Variants in TP53BP2 observed in about 807,000 individuals in gnomAD.
TP53BP2 encodes tumor protein p53 binding protein 2.
TP53BP2 carries 62 observed loss-of-function variants against 126.2 expected under a neutral mutation model. That is an observed-to-expected ratio of 0.49 (90% CI 0.40 to 0.61). The LOEUF (loss-of-function observed/expected upper bound fraction) is 0.61. Among genes scored for constraint, TP53BP2 ranks in the 20% least tolerant of loss-of-function variants. The pLI, the probability that TP53BP2 is intolerant of heterozygous loss-of-function variation, is 0.00. For missense variants in TP53BP2, 1,215 were observed against 1,402.8 expected (o/e 0.87, Z 2.14); for synonymous variants, 485 against 502.9 (o/e 0.96, Z 0.48).
chr1:223,787,200 CATT>C (rs1416578595), intron 16 of TP53BP2, among the ~76,000 whole-genome samples: 1 of 152,096 alleles, frequency 6.6e-6, no homozygotes, highest in African/African-American at 2.4e-5. Flanking sequence ...CCGGCCAACA[CATT>C]ATACCGGTTA....
At chr1:223,816,473 G>A (rs1663091929) in intron 2 of TP53BP2, among the ~76,000 whole-genome samples, 1 of 151,890 alleles carries the variant, frequency 6.6e-6, no homozygotes, top group African/African-American at 2.4e-5. Context: ...TACAAATCAA[G>A]AGGGAAGGGA....
intron 1 of TP53BP2, among the ~76,000 whole-genome samples, chr1:223,827,165 A>C (rs867587137): frequency 1.3e-5 from 2 of 152,332 alleles, no homozygotes; most frequent in Middle Eastern, 3.4e-3. Flanking sequence ...ATGAGCATGC[A>C]GAGGCATTTA....
Position 223,810,519 on chromosome 1 carries a change from G to A in TP53BP2, c.290-6C>T, listed in dbSNP as rs776184660. 4 of 1,590,272 alleles carry A rather than the reference G, an allele frequency of 2.5e-6. No homozygotes were observed. The highest frequency in any genetic ancestry group is 3.4e-6 in the Non-Finnish European group (4 of 1,167,782). Reference sequence around the variant, plus strand: ...CTGAGATCTTGGTCCACTCACTAAGGACAAAATTCAAAAACTATGCATTAA... The same window carrying A: ...CTGAGATCTTGGTCCACTCACTAAGAACAAAATTCAAAAACTATGCATTAA... On this transcript the variant is annotated splice_region_variant and splice_polypyrimidine_tract_variant and intron_variant, in intron 3 of 17. Coordinates refer to ENST00000343537, the MANE Select transcript of TP53BP2 (RefSeq NM_001031685.3).
In TP53BP2 at chr1:223,796,581, T is replaced by A; in HGVS notation, c.1958A>T (p.Lys653Met). Residue 653 changes from lysine to methionine, a missense_variant, in exon 13 of 18, where the codon AAG (lysine) becomes ATG (methionine). Lys to Met is a moderately conservative substitution (Grantham distance 95). Transcript: ENST00000343537. The surrounding 1 kb of genome is among the most constrained non-coding windows in gnomAD (Gnocchi z 4.2). The stretch of plus-strand genomic sequence containing the variant: ...ATTCTGGGCAGCAGCAATTACAGGC[T>A]TACCATATACTAATTGGAAAAGGAA... ...RGPHFSSVYG[K>M]PVIAAAQNQQ... 1 of 1,601,352 alleles carries A rather than the reference T, an allele frequency of 6.2e-7. No homozygotes were observed. Among genetic ancestry groups the A allele is most frequent in the Non-Finnish European group, 8.5e-7 (1 of 1,175,530 alleles).
intron 8 of TP53BP2, 84 bp downstream of exon 8, chr1:223,802,647 T>C (rs552277371): frequency 1.9e-4 from 279 of 1,480,964 alleles, no homozygotes; most frequent in Admixed American, 2.7e-4. Flanking sequence ...GTAATGATTC[T>C]GAAGAAGATG....
intron 17 of TP53BP2, among the ~76,000 whole-genome samples, chr1:223,783,257 C>T (rs904945407): frequency 6.6e-6 from 1 of 152,202 alleles, no homozygotes; most frequent in Non-Finnish European, 1.5e-5. Flanking sequence ...CAGCCCTCCC[C>T]ACGTTCCTTC....
At chr1:223,815,398 G>A (rs888907991) in intron 2 of TP53BP2, among the ~76,000 whole-genome samples, 2 of 152,062 alleles carry the variant, frequency 1.3e-5, no homozygotes, top group Non-Finnish European at 2.9e-5. Context: ...CCCCCAAAAA[G>A]GATACACCAC....
At chr1:223,815,958 G>A (rs537315165) in intron 2 of TP53BP2, among the ~76,000 whole-genome samples, 2 of 152,284 alleles carry the variant, frequency 1.3e-5, no homozygotes, top group East Asian at 3.9e-4. Context: ...TACGCTCTAT[G>A]ATGTTCACAC....
intron 16 of TP53BP2, among the ~76,000 whole-genome samples, chr1:223,786,727 C>T (rs750136484): frequency 3.3e-5 from 5 of 151,598 alleles, no homozygotes; most frequent in Non-Finnish European, 5.9e-5. Context: ...CTGCCTCGGC[C>T]TCCCGAATAG....
chr1:223,800,660 C>A, intron 10 of TP53BP2, 40 bp downstream of exon 10: 1 of 1,489,488 alleles, frequency 6.7e-7, no homozygotes, highest in Non-Finnish European at 9.1e-7. Context: ...TTTCAGATGA[C>A]CAAAATTTAA....
intron 4 of TP53BP2, among the ~76,000 whole-genome samples, 167 bp downstream of exon 4, chr1:223,810,264 T>C (rs1468355517): frequency 1.3e-5 from 2 of 152,228 alleles, no homozygotes; most frequent in Non-Finnish European, 2.9e-5. Context: ...TAGTCAGCCA[T>C]ATACAGATCA....
chr1:223,802,157 G>A lies in TP53BP2; in HGVS notation c.1184C>T (p.Thr395Ile), dbSNP rs1177356461. The A allele has an allele frequency of 1.2e-6, 2 of 1,614,208 alleles. No homozygotes were observed. Among genetic ancestry groups the A allele is most frequent in the Admixed American group, 3.3e-5 (2 of 60,032 alleles). Residue 395 changes from threonine to isoleucine, a missense_variant, in exon 9 of 18, where the codon ACA (threonine) becomes ATA (isoleucine). Thr to Ile is a moderately conservative substitution (Grantham distance 89). Coordinates refer to ENST00000343537, the MANE Select transcript of TP53BP2 (RefSeq NM_001031685.3). ...QASEGPMKIQ[T>I]LPNMRSGAAS... ...AGCCCCAGATCTCATGTTGGGCAGTGTCTGTATTTTCATCGGCCCCTCTGA... is the reference window on the plus strand; with the variant it reads ...AGCCCCAGATCTCATGTTGGGCAGTATCTGTATTTTCATCGGCCCCTCTGA...
At chr1:223,799,188 C>CGAACTCCTA (rs1662446609) in intron 11 of TP53BP2, among the ~76,000 whole-genome samples, 1 of 152,066 alleles carries the variant, frequency 6.6e-6, no homozygotes, top group Non-Finnish European at 1.5e-5. Context: ...AGGCTGGTCT[C>CGAACTCCTA]GAACTCCTAG....
chr1:223,832,601 A>AT (rs1663779004), intron 1 of TP53BP2, among the ~76,000 whole-genome samples: 1 of 152,200 alleles, frequency 6.6e-6, no homozygotes, highest in Non-Finnish European at 1.5e-5. Context: ...TTAAGATATA[A>AT]CCAAAGTTTC....
At chr1:223,821,132 A>G (rs1472640808) in intron 2 of TP53BP2, 88 bp downstream of exon 2, 1 of 1,534,034 alleles carries the variant, frequency 6.5e-7, no homozygotes, top group Non-Finnish European at 8.9e-7. Context: ...CCCCGGAGAA[A>G]CATGAGCATT....
intron 15 of TP53BP2, among the ~76,000 whole-genome samples, chr1:223,791,290 A>T (rs941028103): frequency 6.1e-5 from 9 of 147,894 alleles, no homozygotes; most frequent in South Asian, 4.2e-4. Flanking sequence ...ATAAAAAATA[A>T]TTTTTTTTTA....
At chr1:223,780,952 A>C in intron 17 of TP53BP2, 58 bp from the exon 18 acceptor site, 1 of 1,499,886 alleles carries the variant, frequency 6.7e-7, no homozygotes, top group Middle Eastern at 1.7e-4. Context: ...AATATAACAA[A>C]ATTTCAAGAA....
intron 16 of TP53BP2, among the ~76,000 whole-genome samples, chr1:223,784,524 T>C (rs1196808529): frequency 6.6e-6 from 1 of 152,198 alleles, no homozygotes; most frequent in East Asian, 1.9e-4. Context: ...GACACATTAC[T>C]ATATGCTATC....
chr1:223,834,481 A>G (rs1299891009), intron 1 of TP53BP2, among the ~76,000 whole-genome samples: 1 of 152,194 alleles, frequency 6.6e-6, no homozygotes, highest in African/African-American at 2.4e-5. Flanking sequence ...GTATTAATCT[A>G]TGTAGTATAT....
Sources: gnomAD v4.1 joint callset for allele counts (sites outside exome capture counted in the v4.1 genomes callset) on GRCh38, gnomAD v4.1.1 for gene constraint, Gnocchi (gnomAD v3.1) non-coding constraint, MANE v1.5 for transcripts, NCBI Gene and HGNC (gene_info 2026-07-23, HGNC 2026-07-21) for gene names.